ZFPM2: variants seen among roughly 807,000 people sequenced by gnomAD.
ZFPM2 encodes zinc finger protein, FOG family member 2.
In ZFPM2, 20 loss-of-function variants were observed where a neutral mutation model predicts 98.6. The ratio of observed to expected loss-of-function variants is 0.20; its 90% CI spans 0.14 to 0.29. The LOEUF is 0.29. Among genes scored for constraint, ZFPM2 ranks in the 10% least tolerant of loss-of-function variants. ZFPM2 has a pLI of 1.00. For missense variants in ZFPM2, 1,310 were observed against 1,388.6 expected (o/e 0.94, Z 0.90); for synonymous variants, 518 against 502.7 (o/e 1.03, Z -0.41).
At chr8:105,425,632 C>T (rs919110858) in intron 2 of ZFPM2, among the ~76,000 whole-genome samples, 10 of 152,196 alleles carry the variant, frequency 6.6e-5, no homozygotes, top group Non-Finnish European at 1.2e-4. Flanking sequence ...TGTTTCCCCC[C>T]TCCTCCCATC....
At chr8:105,435,590 A>G (rs1054671310) in intron 2 of ZFPM2, among the ~76,000 whole-genome samples, 1 of 152,098 alleles carries the variant, frequency 6.6e-6, no homozygotes, top group Non-Finnish European at 1.5e-5. Context: ...TTATCTTGCT[A>G]TTAATTATTC....
At chr8:105,380,795 T>A (rs1443355991) in intron 1 of ZFPM2, among the ~76,000 whole-genome samples, 2 of 13,704 alleles carry the variant, frequency 1.5e-4, no homozygotes, top group South Asian at 3.5e-3. Flanking sequence ...GTATATATAT[T>A]ATATATGTTA....
chr8:105,572,739 G>C (rs1349260521), intron 4 of ZFPM2, among the ~76,000 whole-genome samples: 1 of 152,102 alleles, frequency 6.6e-6, no homozygotes, highest in Non-Finnish European at 1.5e-5. Flanking sequence ...CAAAATGCTG[G>C]GATTACAGGC....
At chr8:105,433,291 A>C (rs11998463) in intron 2 of ZFPM2, among the ~76,000 whole-genome samples, 52,680 of 152,062 alleles carry the variant, frequency 0.35, 11,557 homozygotes, top group African/African-American at 0.63. Context: ...GAGAAAAACT[A>C]TTTTCACATG....
chr8:105,329,438 T>C (rs1812171941), intron 1 of ZFPM2, among the ~76,000 whole-genome samples: 1 of 151,854 alleles, frequency 6.6e-6, no homozygotes, highest in African/African-American at 2.4e-5. Context: ...TAACTTAATG[T>C]TTTTACTTTG....
intron 5 of ZFPM2, among the ~76,000 whole-genome samples, chr8:105,786,622 CAAAT>C (rs952181914): frequency 6.6e-6 from 1 of 152,132 alleles, no homozygotes; most frequent in Non-Finnish European, 1.5e-5. Flanking sequence ...CATCTGAAAA[CAAAT>C]ATATATTACA....
At chr8:105,680,676 A>G (rs1384384052) in intron 5 of ZFPM2, among the ~76,000 whole-genome samples, 1 of 152,150 alleles carries the variant, frequency 6.6e-6, no homozygotes, top group East Asian at 1.9e-4. Flanking sequence ...AGAAACTGGA[A>G]CTACCAGTGA....
At chr8:105,330,536 C>CTG in intron 1 of ZFPM2, among the ~76,000 whole-genome samples, 1 of 90,118 alleles carries the variant, frequency 1.1e-5, no homozygotes, top group South Asian at 4.1e-4. Flanking sequence ...CTCTCTCTCT[C>CTG]TCTATATATA....
At chr8:105,327,068 A>G (rs1302508155) in intron 1 of ZFPM2, among the ~76,000 whole-genome samples, 1 of 151,522 alleles carries the variant, frequency 6.6e-6, no homozygotes, top group Middle Eastern at 3.2e-3. Context: ...TTTCTTAGAA[A>G]GATAAATTCT....
intron 4 of ZFPM2, among the ~76,000 whole-genome samples, chr8:105,578,518 T>C (rs1174813661): frequency 6.6e-6 from 1 of 152,146 alleles, no homozygotes; most frequent in Non-Finnish European, 1.5e-5. Flanking sequence ...AGTTTCTCAG[T>C]AATTTGCTTC....
chr8:105,526,038 C>T (rs565866842), intron 3 of ZFPM2, among the ~76,000 whole-genome samples: 16 of 152,280 alleles, frequency 1.1e-4, no homozygotes, highest in Admixed American at 1.0e-3. Context: ...TTCTTTATAG[C>T]TCTCAAATAT....
At chr8:105,723,424 G>C (rs558668167) in intron 5 of ZFPM2, among the ~76,000 whole-genome samples, 7 of 151,816 alleles carry the variant, frequency 4.6e-5, no homozygotes, top group Non-Finnish European at 1.0e-4. Context: ...GAGCCTCAAA[G>C]TTCCTTATGA....
intron 1 of ZFPM2, among the ~76,000 whole-genome samples, chr8:105,380,898 A>AATATATATGTTATATATATTATAAT (rs1415469386): frequency 5.3e-5 from 4 of 74,870 alleles, no homozygotes; most frequent in Non-Finnish European, 8.3e-5. Context: ...TAATATATAT[A>AATATATATGTTATATATATTATAAT]ATATATAATA....
At chr8:105,578,201 G>A (rs1586475288) in intron 4 of ZFPM2, among the ~76,000 whole-genome samples, 1 of 152,170 alleles carries the variant, frequency 6.6e-6, no homozygotes, top group South Asian at 2.1e-4. Context: ...TCTTCTTTCA[G>A]TTGCTTTGAC....
chr8:105,455,091 T>A (rs1018535771), intron 3 of ZFPM2, among the ~76,000 whole-genome samples: 18 of 152,280 alleles, frequency 1.2e-4, no homozygotes, highest in Admixed American at 3.9e-4. Flanking sequence ...TCAAAAGAAA[T>A]GCTCATTGAA....
At position 105,533,234 on chromosome 8, in the gene ZFPM2, T is replaced by G. The variant is rs573216984; in HGVS notation, c.302-28129T>G. ...TCTCTTGCCTATCATATAATTCTCA[T>G]AAACATATTTCAAATGGACTGGCCA... On this transcript the variant is annotated intron_variant, in intron 3 of 7. Coordinates refer to ENST00000407775, the MANE Select transcript of ZFPM2 (RefSeq NM_012082.4). 7.2e-5 allele frequency among the ~76,000 whole-genome samples: 11 copies of G among 152,272 alleles called. No individual in the cohort carries two copies. The East Asian group carries it at 2.1e-3, about 29-fold the overall frequency.
rs56955237 is a variant in ZFPM2, at chr8:105,514,307, C to CTTTTT, written c.302-47031_302-47027dup. Reference sequence around the variant, plus strand: ...CGTGAGCCACCGTTCCTGGTCGTGTCTTTTTTTTTTTTTTTTTTTTTTTTT... The same window carrying CTTTTT: ...CGTGAGCCACCGTTCCTGGTCGTGTCTTTTTTTTTTTTTTTTTTTTTTTTTTTTTT... On this transcript the variant is annotated intron_variant, in intron 3 of 7. Coordinates refer to ENST00000407775, the MANE Select transcript of ZFPM2 (RefSeq NM_012082.4). Among the ~76,000 whole-genome samples the CTTTTT allele has an allele frequency of 4.3e-4, 55 of 127,566 alleles. 1 individual carries two copies. Among genetic ancestry groups the CTTTTT allele is most frequent in the African/African-American group, 1.7e-3 (54 of 31,262 alleles). The allele number at this position is 127,566 out of a possible 152,430, so 83.7% of individuals were successfully genotyped here. A position where few individuals can be genotyped will look rare whatever the true frequency, so the allele number is the denominator to read the frequency against.
At chr8:105,336,687 T>TA (rs1812330454) in intron 1 of ZFPM2, among the ~76,000 whole-genome samples, 11 of 84,910 alleles carry the variant, frequency 1.3e-4, no homozygotes, top group Admixed American at 6.9e-4. Context: ...TGTAATATAC[T>TA]CCACACACAC....
chr8:105,695,382 T>A (rs1315573453), intron 5 of ZFPM2, among the ~76,000 whole-genome samples: 1 of 126,254 alleles, frequency 7.9e-6, no homozygotes, highest in Non-Finnish European at 1.9e-5. Flanking sequence ...GTTTGTATTT[T>A]TTTTTTTTTT....
Sources: allele counts gnomAD v4.1 joint callset (sites outside exome capture counted in the v4.1 genomes callset), GRCh38; gene constraint gnomAD v4.1.1; transcripts MANE v1.5; gene names NCBI Gene and HGNC (gene_info 2026-07-23, HGNC 2026-07-21).